RXRA: variants seen among roughly 807,000 people sequenced by gnomAD.
The protein encoded by RXRA is retinoic acid receptor RXR-alpha.
RXRA carries 5 observed loss-of-function variants against 44.5 expected under a neutral mutation model. That is an observed-to-expected ratio of 0.11 (90% CI 0.06 to 0.24). The LOEUF is 0.24. RXRA is among the 10% of genes least tolerant of loss of function. The probability of loss-of-function intolerance (pLI) is 1.00; values close to 1 mark genes in which losing one functional copy is unlikely to be tolerated. For missense variants in RXRA, 412 were observed against 646.5 expected (o/e 0.64, Z 3.93); for synonymous variants, 291 against 271.4 (o/e 1.07, Z -0.71).
At position 134,421,732 on chromosome 9, in the gene RXRA, G is replaced by C; in HGVS notation, c.837G>C (p.Leu279=). The C allele has an allele frequency of 6.3e-7, 1 of 1,591,068 alleles. No individual in the cohort carries two copies. The highest frequency in any genetic ancestry group is 8.6e-7 in the Non-Finnish European group (1 of 1,163,412). ...CAGCCGACAAACAGCTTTTCACCCTGGTGGAGTGGGCCAAGCGGATCCCAC... is the reference window on the plus strand; with the variant it reads ...CAGCCGACAAACAGCTTTTCACCCTCGTGGAGTGGGCCAAGCGGATCCCAC... The part of the protein sequence containing the change: ...CQAADKQLFT[L]VEWAKRIPHF... Residue 279 remains leucine, a synonymous_variant, in exon 6 of 10, where the codon CTG becomes CTC. Coordinates refer to ENST00000481739, the MANE Select transcript of RXRA (RefSeq NM_002957.6).
intron 4 of RXRA, among the ~76,000 whole-genome samples, chr9:134,415,393 G>A (rs1831216905): frequency 6.6e-6 from 1 of 151,944 alleles, no homozygotes; most frequent in African/African-American, 2.4e-5. Flanking sequence ...ACACCGTGGC[G>A]GGTAGGGGCA....
chr9:134,409,024 G>A lies in RXRA; in HGVS notation c.515G>A (p.Arg172His), dbSNP rs1174764642. The change falls in exon 4 of 10, where the codon CGC becomes CAC. Residue 172 changes from arginine to histidine, a missense_variant. Around this residue, in one of 4 missense-constraint regions of RXRA, gnomAD observed 48 missense variants for 119.9 expected, o/e 0.40. Transcript: ENST00000481739. ...TVRKDLTYTC[R>H]DNKDCLIDKR... is the part of the protein sequence containing the mutation. ...CGCAAGGACCTGACCTACACCTGCC[G>A]CGACAACAAGGACTGCCTGATTGAC... The A allele has an allele frequency of 6.2e-7, 1 of 1,612,010 alleles. No individual in the cohort carries two copies. Among genetic ancestry groups the A allele is most frequent in the Non-Finnish European group, 8.5e-7 (1 of 1,179,174 alleles).
At chr9:134,344,105 T>G (rs1488247685) in intron 1 of RXRA, among the ~76,000 whole-genome samples, 2 of 152,194 alleles carry the variant, frequency 1.3e-5, no homozygotes, top group African/African-American at 4.8e-5. Flanking sequence ...TTTCCATCCT[T>G]GTAGGCCTGA....
intron 1 of RXRA, among the ~76,000 whole-genome samples, chr9:134,331,477 C>T (rs1014075979): frequency 5.9e-5 from 9 of 152,210 alleles, no homozygotes; most frequent in South Asian, 2.1e-4. Flanking sequence ...CGCTGTTGGC[C>T]GCTGGCCCGT....
chr9:134,385,693 G>C (rs912039005), intron 1 of RXRA, among the ~76,000 whole-genome samples: 2 of 152,248 alleles, frequency 1.3e-5, no homozygotes, highest in African/African-American at 4.8e-5. Flanking sequence ...ACCACTCCAG[G>C]CCAGGACAAG....
chr9:134,413,072 C>T (rs1390264827), intron 4 of RXRA, among the ~76,000 whole-genome samples: 2 of 152,174 alleles, frequency 1.3e-5, no homozygotes, highest in Non-Finnish European at 2.9e-5. Flanking sequence ...GGAGCCCCGG[C>T]TGGGCTCGAG....
At position 134,412,326 on chromosome 9, in the gene RXRA, C is replaced by A. The variant is rs551796097; in HGVS notation, c.610+3207C>A. ...CTTGGTGTCAAGTGGTCCCTCGGCC[C>A]GGTTTGTGATCAGACCCCTAGAAAC... On this transcript the variant is annotated intron_variant, in intron 4 of 9. Coordinates refer to ENST00000481739, the MANE Select transcript of RXRA (RefSeq NM_002957.6). Among the ~76,000 whole-genome samples, 4 of 152,352 alleles carry A rather than the reference C, an allele frequency of 2.6e-5. No individual in the cohort carries two copies. In the East Asian group the frequency reaches 7.7e-4, roughly 29 times the overall value.
intron 5 of RXRA, among the ~76,000 whole-genome samples, chr9:134,419,765 GA>G (rs993721332): frequency 1.3e-5 from 2 of 152,330 alleles, no homozygotes; most frequent in South Asian, 2.1e-4. Flanking sequence ...CAGGGAGGTG[GA>G]GCCAGGATCC....
chr9:134,365,604 T>C lies in RXRA; in HGVS notation c.29-36028T>C, dbSNP rs1294095306. Among the ~76,000 whole-genome samples, 1 of 152,100 alleles carries C rather than the reference T, an allele frequency of 6.6e-6. No homozygotes were observed. The highest frequency in any genetic ancestry group is 2.4e-5 in the African/African-American group (1 of 41,402). On this transcript the variant is annotated intron_variant, in intron 1 of 9. Coordinates refer to ENST00000481739, the MANE Select transcript of RXRA (RefSeq NM_002957.6). This position sits in a 1 kb window ranked among gnomAD's most constrained non-coding sequence, Gnocchi z 4.0. ...TGCTTGTCCAGTGGTTTCTGTGGCT[T>C]TTCTGGGGTCCTGGGCTGTCCCTCA...
At chr9:134,408,041 G>A (rs1831084402) in intron 2 of RXRA, 108 bp from the exon 3 acceptor site, 13 of 814,932 alleles carry the variant, frequency 1.6e-5, no homozygotes, top group East Asian at 2.8e-5. Context: ...CTCGGTGTCT[G>A]TGTGTGAAGT....
In RXRA at chr9:134,342,236, C is replaced by T. The variant is rs562104214; in HGVS notation, c.28+15577C>T. Reference sequence around the variant, plus strand: ...TCCCAGGCCAGAGTGAGGGCAGGGGCGGGGGTCCGGGTCGAGGACTAGCAA... The same window carrying T: ...TCCCAGGCCAGAGTGAGGGCAGGGGTGGGGGTCCGGGTCGAGGACTAGCAA... On this transcript the variant is annotated intron_variant, in intron 1 of 9. Coordinates refer to ENST00000481739, the MANE Select transcript of RXRA (RefSeq NM_002957.6). This position sits in a 1 kb window ranked among gnomAD's most constrained non-coding sequence, Gnocchi z 4.4. Among the ~76,000 whole-genome samples, 5 of 152,014 alleles carry T rather than the reference C, an allele frequency of 3.3e-5. No individual in the cohort carries two copies. The highest frequency in any genetic ancestry group is 7.2e-5 in the African/African-American group (3 of 41,392).
Position 134,426,808 on chromosome 9 carries a change from G to T in RXRA, c.911-2300G>T. On this transcript the variant is annotated intron_variant, in intron 6 of 9. Coordinates refer to ENST00000481739, the MANE Select transcript of RXRA (RefSeq NM_002957.6). This position sits in a 1 kb window ranked among gnomAD's most constrained non-coding sequence, Gnocchi z 4.6. ...GACTGGCCAGGGATGGTGGGTTTGG[G>T]GCCAGTTGTGCCCCAGCCCAGATCT... The T allele has an allele frequency of 2.0e-6, 2 of 985,380 alleles. No individual in the cohort carries two copies. Among genetic ancestry groups the T allele is most frequent in the Non-Finnish European group, 2.4e-6 (2 of 829,920 alleles). 61.0% of individuals were successfully genotyped at this position (985,380 alleles called of 1,614,324 possible). A position where few individuals can be genotyped will look rare whatever the true frequency, so the allele number is the denominator to read the frequency against.
chr9:134,339,538 CGTGT>C (rs782663485), intron 1 of RXRA, among the ~76,000 whole-genome samples: 1 of 127,262 alleles, frequency 7.9e-6, no homozygotes, highest in East Asian at 2.5e-4. Context: ...TGTGTGAGCC[CGTGT>C]GTGTGTGAGT....
Position 134,426,020 on chromosome 9 carries a change from G to C in RXRA, c.911-3088G>C, listed in dbSNP as rs1050521606. ...GTTCCTTCCGGAAGCGCTGTCCAGG[G>C]GTCCTGCAACCCCAGCAGAGGCCCT... On this transcript the variant is annotated intron_variant, in intron 6 of 9. Transcript: ENST00000481739. This position sits in a 1 kb window ranked among gnomAD's most constrained non-coding sequence, Gnocchi z 4.6. The C allele has an allele frequency of 1.0e-6, 1 of 985,390 alleles. No individual in the cohort carries two copies. Among genetic ancestry groups the C allele is most frequent in the African/African-American group, 1.7e-5 (1 of 57,326 alleles). The allele number at this position is 985,390 out of a possible 1,614,324, so 61.0% of individuals were successfully genotyped here. A position where few individuals can be genotyped will look rare whatever the true frequency, so the allele number is the denominator to read the frequency against.
At chr9:134,338,470 A>T (rs1830040440) in intron 1 of RXRA, among the ~76,000 whole-genome samples, 1 of 152,176 alleles carries the variant, frequency 6.6e-6, no homozygotes. Flanking sequence ...GGCATCCCCC[A>T]GGCCATGGGG....
chr9:134,357,653 C>T (rs924005458), intron 1 of RXRA, among the ~76,000 whole-genome samples: 6 of 152,188 alleles, frequency 3.9e-5, no homozygotes, highest in East Asian at 1.9e-4. Flanking sequence ...AGCAGAAAGG[C>T]GAGGTCTTTG....
intron 1 of RXRA, among the ~76,000 whole-genome samples, chr9:134,333,394 C>T (rs1470614858): frequency 3.9e-5 from 6 of 152,166 alleles, no homozygotes; most frequent in Non-Finnish European, 7.4e-5. Context: ...GCCCTCTAAG[C>T]CATAGTAATT....
At chr9:134,390,849 G>C (rs1467757924) in intron 1 of RXRA, among the ~76,000 whole-genome samples, 1 of 152,242 alleles carries the variant, frequency 6.6e-6, no homozygotes, top group Non-Finnish European at 1.5e-5. Context: ...CAGGTGCGTG[G>C]GTGGTAAGCC....
intron 1 of RXRA, among the ~76,000 whole-genome samples, chr9:134,395,179 G>T (rs924589346): frequency 4.6e-5 from 7 of 152,210 alleles, no homozygotes; most frequent in Non-Finnish European, 8.8e-5. Flanking sequence ...CTGCAACCCC[G>T]GTCACTCCGA....
Sources: gnomAD v4.1 joint callset for allele counts (sites outside exome capture counted in the v4.1 genomes callset) on GRCh38, gnomAD v4.1.1 for gene constraint, gnomAD v4.1.1 regional missense constraint, Gnocchi (gnomAD v3.1) non-coding constraint, MANE v1.5 for transcripts, NCBI Gene and HGNC (gene_info 2026-07-23, HGNC 2026-07-21) for gene names.